The following AGO1 variants were observed in gnomAD, a reference collection of about 807,000 sequenced individuals.
AGO1 encodes argonaute RISC component 1.
AGO1 carries 11 observed loss-of-function variants against 109.2 expected under a neutral mutation model. The observed-to-expected ratio is 0.10, with a 90% CI of 0.06 to 0.17. AGO1 has a LOEUF of 0.17. Ranked by LOEUF, AGO1 falls within the 10% of genes least tolerant of loss-of-function variation. AGO1 has a pLI of 1.00. For synonymous variants in AGO1, 422 were observed against 418.6 expected (o/e 1.01, Z -0.10); for missense variants, 574 against 1,140.3 (o/e 0.50, Z 7.15).
chr1:35,903,968 A>C (rs1217481389), intron 11 of AGO1, among the ~76,000 whole-genome samples: 1 of 152,032 alleles, frequency 6.6e-6, no homozygotes, highest in Non-Finnish European at 1.5e-5. Context: ...TCTCAAAAAA[A>C]AAAAAAGTTC....
rs1336348406 is a variant in AGO1, at chr1:35,883,307, G to A, written c.-115G>A. On this transcript the variant is annotated 5_prime_UTR_variant, in exon 1 of 19. Transcript: ENST00000373204. This position sits in a 1 kb window ranked among gnomAD's most constrained non-coding sequence, Gnocchi z 5.4. ...GCGGCGGCGCGAGCGGCCGGGCTTG[G>A]TAGGGGAGCCGAGCCCGGCCCGGGA... The A allele has an allele frequency of 6.7e-6, 10 of 1,488,770 alleles. No individual in the cohort carries two copies. The highest frequency in any genetic ancestry group is 8.9e-6 in the Non-Finnish European group (10 of 1,124,912). 92.2% of individuals were successfully genotyped at this position (1,488,770 alleles called of 1,614,324 possible). A position where few individuals can be genotyped will look rare whatever the true frequency, so the allele number is the denominator to read the frequency against.
chr1:35,909,510 G>A (rs1214974172), intron 12 of AGO1, among the ~76,000 whole-genome samples: 1 of 152,120 alleles, frequency 6.6e-6, no homozygotes, highest in African/African-American at 2.4e-5. Flanking sequence ...GCCTTTGCCC[G>A]GAGTATCTGC....
At chr1:35,898,523 G>A (rs1645361041) in intron 8 of AGO1, among the ~76,000 whole-genome samples, 1 of 152,158 alleles carries the variant, frequency 6.6e-6, no homozygotes, top group Non-Finnish European at 1.5e-5. Flanking sequence ...CCAAATTGCT[G>A]GGATTACAGG....
In AGO1 at chr1:35,919,656, C is replaced by G; in HGVS notation, c.*49C>G. ...GGATAGAAGAAAGCTTTCCAAGCCC[C>G]AGGAGCTGTGCCACCCAAATCCAGA... On this transcript the variant is annotated 3_prime_UTR_variant, in exon 19 of 19. Transcript: ENST00000373204. The surrounding 1 kb of genome is among the most constrained non-coding windows in gnomAD (Gnocchi z 6.6). 7 of 1,556,018 alleles carry G rather than the reference C, an allele frequency of 4.5e-6. No homozygotes were observed. Among genetic ancestry groups the G allele is most frequent in the Non-Finnish European group, 6.1e-6 (7 of 1,139,678 alleles).
chr1:35,894,269 C>T (rs1305933844), intron 6 of AGO1, 46 bp from the exon 7 acceptor site: 22 of 1,610,518 alleles, frequency 1.4e-5, no homozygotes, highest in Non-Finnish European at 1.8e-5. Flanking sequence ...AGCCTGGGCA[C>T]ATGAGCAACC....
In AGO1 at chr1:35,929,602, T is replaced by C. The variant is rs1411815515; in HGVS notation, c.*9995T>C. On this transcript the variant is annotated 3_prime_UTR_variant, in exon 19 of 19. Coordinates refer to ENST00000373204, the MANE Select transcript of AGO1 (RefSeq NM_012199.5). ...ACAGTCGAGGATTAAAAATGACTTT[T>C]AAGATGCAGTGTTTCATCTGGTGAC... 1 of 152,222 alleles carries C rather than the reference T, an allele frequency of 6.6e-6. No homozygotes were observed. The highest frequency in any genetic ancestry group is 1.5e-5 in the Non-Finnish European group (1 of 68,038). The allele number at this position is 152,222 out of a possible 1,614,324, so 9.4% of individuals were successfully genotyped here.
rs1262774479 is a variant in AGO1 at position 35,887,444 on chromosome 1, GGGTAAAGTAGCT to G, written c.26-980_26-969del. On this transcript the variant is annotated intron_variant, in intron 1 of 18. Coordinates refer to ENST00000373204, the MANE Select transcript of AGO1 (RefSeq NM_012199.5). ...AGACAGCAGCCAGACTGGCAAAAGA[GGGTAAAGTAGCT>G]GGATCTGGCCTTACCCTATCCCTTT... 7.9e-5 allele frequency among the ~76,000 whole-genome samples: 12 copies of G among 152,282 alleles called. No individual in the cohort carries two copies. In the East Asian group the frequency reaches 1.5e-3, roughly 20 times the overall value.
Position 35,894,869 on chromosome 1 carries a change from T to A in AGO1, c.873-253T>A, listed in dbSNP as rs572925260. On this transcript the variant is annotated intron_variant, in intron 7 of 18. Coordinates refer to ENST00000373204, the MANE Select transcript of AGO1 (RefSeq NM_012199.5). The stretch of plus-strand genomic sequence containing the variant: ...TAAATGAGTCAGATAGTGTCCTGAC[T>A]TCTGACTTTTGTGGAACTTGCCTTT... Among the ~76,000 whole-genome samples the A allele has an allele frequency of 8.5e-4, 130 of 152,332 alleles. 1 individual carries two copies. The highest frequency in any genetic ancestry group is 3.1e-3 in the African/African-American group (128 of 41,582).
chr1:35,908,928 C>T (rs906326737), intron 12 of AGO1, among the ~76,000 whole-genome samples: 1 of 151,008 alleles, frequency 6.6e-6, no homozygotes, highest in Non-Finnish European at 1.5e-5. Flanking sequence ...AAGTGATTCT[C>T]GTGCCTCAGC....
At chr1:35,882,830 T>A, upstream of AGO1, 1 of 984,856 alleles carries the variant, frequency 1.0e-6, no homozygotes, top group South Asian at 4.7e-5. This position sits in a 1 kb window ranked among gnomAD's most constrained non-coding sequence, Gnocchi z 5.1. Flanking sequence ...GGAGGAGAGG[T>A]GGGAGGCAGG....
chr1:35,886,404 G>T (rs1311451404), intron 1 of AGO1, among the ~76,000 whole-genome samples: 1 of 152,128 alleles, frequency 6.6e-6, no homozygotes, highest in Non-Finnish European at 1.5e-5. Context: ...GAGATGAAGT[G>T]GGGGTGTGGG....
intron 14 of AGO1, among the ~76,000 whole-genome samples, chr1:35,915,035 C>T (rs1344073658): frequency 6.6e-6 from 1 of 152,066 alleles, no homozygotes; most frequent in Non-Finnish European, 1.5e-5. Context: ...TTCACATGCT[C>T]CTCTGCAAAG....
rs1016571419 is a variant in AGO1 at position 35,927,485 on chromosome 1, C to T, written c.*7878C>T. On this transcript the variant is annotated 3_prime_UTR_variant, in exon 19 of 19. Coordinates refer to ENST00000373204, the MANE Select transcript of AGO1 (RefSeq NM_012199.5). ...TCTGGGAAGGAAATGCTGACAGAAC[C>T]GTGTCTGGCAAAAGAGAGACAGATT... 5.9e-5 allele frequency: 9 copies of T among 152,144 alleles called. No individual in the cohort carries two copies. Among genetic ancestry groups the T allele is most frequent in the Admixed American group, 1.3e-4 (2 of 15,276 alleles). 9.4% of individuals were successfully genotyped at this position (152,144 alleles called of 1,614,324 possible).
rs1403220499 is a variant in AGO1, at chr1:35,888,745, C to A, written c.209+135C>A. ...AGTTTTTGAACGGGAGATGCCACGT[C>A]GGGTAAATGCTGAAAAATAGTCCAA... On this transcript the variant is annotated intron_variant, in intron 2 of 18. Coordinates refer to ENST00000373204, the MANE Select transcript of AGO1 (RefSeq NM_012199.5). The surrounding 1 kb of genome is among the most constrained non-coding windows in gnomAD (Gnocchi z 4.1). 1 of 941,518 alleles carries A rather than the reference C, an allele frequency of 1.1e-6. No homozygotes were observed. Among genetic ancestry groups the A allele is most frequent in the Non-Finnish European group, 1.5e-6 (1 of 645,806 alleles). 58.3% of individuals were successfully genotyped at this position (941,518 alleles called of 1,614,324 possible).
intron 12 of AGO1, among the ~76,000 whole-genome samples, chr1:35,911,589 A>G (rs1345154518): frequency 1.3e-5 from 2 of 151,760 alleles, no homozygotes; most frequent in African/African-American, 4.8e-5. Flanking sequence ...TTTATATTTT[A>G]TCTGGCTTTT....
intron 12 of AGO1, among the ~76,000 whole-genome samples, chr1:35,910,516 A>AGTG (rs1645613240): frequency 2.6e-5 from 4 of 152,128 alleles, no homozygotes; most frequent in Non-Finnish European, 5.9e-5. Context: ...ACCTTACCAC[A>AGTG]GCCCCAGTCA....
At chr1:35,884,639 C>T (rs1257204732) in intron 1 of AGO1, among the ~76,000 whole-genome samples, 1 of 152,108 alleles carries the variant, frequency 6.6e-6, no homozygotes, top group African/African-American at 2.4e-5. Flanking sequence ...CCTACAAACA[C>T]GTTGGAGGAT....
intron 12 of AGO1, among the ~76,000 whole-genome samples, chr1:35,911,775 A>AT (rs1391177184): frequency 2.6e-5 from 4 of 151,370 alleles, no homozygotes; most frequent in Admixed American, 2.0e-4. Context: ...CTATACACTA[A>AT]TTTTTTTTTA....
chr1:35,883,497 C>G lies in AGO1; in HGVS notation c.25+51C>G, dbSNP rs1240030139. Reference sequence around the variant, plus strand: ...GTGCATGCTCCAAGGACTGGGGGATCCCGCATGAAAAGCGTGGTTTCCAAG... The same window carrying G: ...GTGCATGCTCCAAGGACTGGGGGATGCCGCATGAAAAGCGTGGTTTCCAAG... On this transcript the variant is annotated intron_variant, in intron 1 of 18. Coordinates refer to ENST00000373204, the MANE Select transcript of AGO1 (RefSeq NM_012199.5). This position sits in a 1 kb window ranked among gnomAD's most constrained non-coding sequence, Gnocchi z 5.4. 6.7e-7 allele frequency: 1 copy of G among 1,503,184 alleles called. No homozygotes were observed. Among genetic ancestry groups the G allele is most frequent in the Non-Finnish European group, 8.8e-7 (1 of 1,130,608 alleles). The allele number at this position is 1,503,184 out of a possible 1,614,324, so 93.1% of individuals were successfully genotyped here.
Sources: gnomAD v4.1 joint callset for allele counts (sites outside exome capture counted in the v4.1 genomes callset) on GRCh38, gnomAD v4.1.1 for gene constraint, Gnocchi (gnomAD v3.1) non-coding constraint, MANE v1.5 for transcripts, NCBI Gene and HGNC (gene_info 2026-07-23, HGNC 2026-07-21) for gene names.